The following LINGO2 variants were observed in gnomAD, a reference collection of about 807,000 sequenced individuals.
LINGO2 encodes the protein leucine-rich repeat and immunoglobulin-like domain-containing nogo receptor-interacting protein 2.
In LINGO2, 14 loss-of-function variants were observed where a neutral mutation model predicts 30.6. The observed-to-expected ratio is 0.46, with a 90% CI of 0.30 to 0.72. The LOEUF (loss-of-function observed/expected upper bound fraction) is 0.72, where lower values mean the gene tolerates loss of function less well. Ranked by LOEUF, LINGO2 falls within the 30% of genes least tolerant of loss-of-function variation. The pLI is 0.07. For synonymous variants in LINGO2, 317 were observed against 288.5 expected (o/e 1.10, Z -1.00); for missense variants, 729 against 751.7 (o/e 0.97, Z 0.35).
At chr9:27,976,455 A>C (rs983901770) in intron 5 of LINGO2, among the ~76,000 whole-genome samples, 4 of 152,096 alleles carry the variant, frequency 2.6e-5, no homozygotes, top group Admixed American at 6.6e-5. Context: ...TGGATTAAGC[A>C]AACTGCTTAA....
At chr9:28,552,518 G>A (rs144469959) in intron 1 of LINGO2, among the ~76,000 whole-genome samples, 303 of 151,868 alleles carry the variant, frequency 2.0e-3, no homozygotes, top group Non-Finnish European at 3.0e-3. Flanking sequence ...TGTATCCAGG[G>A]TACTGACTTT....
chr9:28,174,898 C>CTGTGTGTGTGTG lies in LINGO2; in HGVS notation c.-87+120298_-87+120309dup, dbSNP rs66472807. 4.0e-3 allele frequency among the ~76,000 whole-genome samples: 561 copies of CTGTGTGTGTGTG among 141,078 alleles called. 2 individuals are homozygous for CTGTGTGTGTGTG. The highest frequency in any genetic ancestry group is 8.4e-3 in the South Asian group (36 of 4,262). The allele number at this position is 141,078 out of a possible 152,430, so 92.6% of individuals were successfully genotyped here. The stretch of plus-strand genomic sequence containing the variant: ...AGAGAGAGAAAGAGAATTTGTGTCT[C>CTGTGTGTGTGTG]TGTGTGTGTGTGTGTGTGTGTGTGA... On this transcript the variant is annotated intron_variant, in intron 4 of 5. Transcript: ENST00000379992.
chr9:29,060,401 C>A, the LINGO2 span, among the ~76,000 whole-genome samples: 1 of 151,986 alleles, frequency 6.6e-6, no homozygotes, highest in Non-Finnish European at 1.5e-5. Flanking sequence ...AAATTGTGCT[C>A]AAAATTTAAC....
At chr9:28,413,773 A>G (rs1425120684) in intron 2 of LINGO2, among the ~76,000 whole-genome samples, 1 of 152,106 alleles carries the variant, frequency 6.6e-6, no homozygotes, top group Non-Finnish European at 1.5e-5. Flanking sequence ...CATATACTTC[A>G]AACGGAGGCT....
chr9:28,721,867 A>G, the LINGO2 span, among the ~76,000 whole-genome samples: 3 of 152,092 alleles, frequency 2.0e-5, no homozygotes, highest in Non-Finnish European at 2.9e-5. Context: ...TTTTCACCAA[A>G]GTCTAGCTTT....
intron 5 of LINGO2, among the ~76,000 whole-genome samples, chr9:27,970,217 A>G (rs1422308427): frequency 6.6e-6 from 1 of 152,036 alleles, no homozygotes; most frequent in African/African-American, 2.4e-5. Context: ...GCGGTGAAAA[A>G]CAGAGACTGT....
intron 4 of LINGO2, among the ~76,000 whole-genome samples, chr9:28,230,878 T>C (rs571835912): frequency 1.3e-5 from 2 of 152,052 alleles, no homozygotes; most frequent in South Asian, 4.1e-4. Flanking sequence ...GTCACAGTTT[T>C]ACCCAATATA....
chr9:28,139,633 G>A (rs1246489341), intron 4 of LINGO2, among the ~76,000 whole-genome samples: 2 of 151,986 alleles, frequency 1.3e-5, no homozygotes, highest in Non-Finnish European at 2.9e-5. Flanking sequence ...CCTACTGTGA[G>A]ATTTAATTTA....
At chr9:28,549,051 C>G (rs1356881015) in intron 1 of LINGO2, among the ~76,000 whole-genome samples, 1 of 151,938 alleles carries the variant, frequency 6.6e-6, no homozygotes, top group African/African-American at 2.4e-5. Context: ...AACCTGTATA[C>G]AGTTCTTTCA....
chr9:27,975,849 A>C (rs1324089331), intron 5 of LINGO2, among the ~76,000 whole-genome samples: 6 of 152,116 alleles, frequency 3.9e-5, no homozygotes, highest in African/African-American at 1.4e-4. Flanking sequence ...TTCCATTTTA[A>C]AAAGTATATA....
chr9:28,737,554 T>C, the LINGO2 span, among the ~76,000 whole-genome samples: 3 of 152,170 alleles, frequency 2.0e-5, no homozygotes, highest in Non-Finnish European at 4.4e-5. Flanking sequence ...TCTTAAGTCA[T>C]ACAGCTAAAG....
At chr9:29,005,005 C>T in the LINGO2 span, among the ~76,000 whole-genome samples, 8 of 151,838 alleles carry the variant, frequency 5.3e-5, no homozygotes, top group African/African-American at 1.9e-4. Context: ...AAGTATCTGC[C>T]ATGTGGTAAG....
At chr9:28,895,890 C>T in the LINGO2 span, among the ~76,000 whole-genome samples, 1 of 152,084 alleles carries the variant, frequency 6.6e-6, no homozygotes, top group African/African-American at 2.4e-5. Context: ...CGGTCATCTA[C>T]ATGGAAACAT....
At chr9:29,057,638 A>C in the LINGO2 span, among the ~76,000 whole-genome samples, 1 of 152,106 alleles carries the variant, frequency 6.6e-6, no homozygotes, top group Non-Finnish European at 1.5e-5. Flanking sequence ...GTCAAAGAGA[A>C]GGGTGCTGTG....
intron 2 of LINGO2, among the ~76,000 whole-genome samples, chr9:28,400,394 A>G (rs894597189): frequency 2.0e-5 from 3 of 152,178 alleles, no homozygotes; most frequent in Non-Finnish European, 4.4e-5. Context: ...ATGATGTTAT[A>G]TGAATAGCTT....
At chr9:27,977,787 A>G (rs1013531043) in intron 5 of LINGO2, among the ~76,000 whole-genome samples, 8 of 151,232 alleles carry the variant, frequency 5.3e-5, no homozygotes, top group Admixed American at 2.0e-4. Context: ...TTCCCAGGGG[A>G]AAGAAAAAAA....
At chr9:28,811,310 T>C in the LINGO2 span, among the ~76,000 whole-genome samples, 1 of 152,268 alleles carries the variant, frequency 6.6e-6, no homozygotes, top group South Asian at 2.1e-4. Flanking sequence ...CAATTATCTC[T>C]TTGAATTACT....
At chr9:28,693,915 T>C in the LINGO2 span, among the ~76,000 whole-genome samples, 1 of 152,072 alleles carries the variant, frequency 6.6e-6, no homozygotes, top group Non-Finnish European at 1.5e-5. Flanking sequence ...TATATACATA[T>C]GCTATTAGAA....
At chr9:29,059,516 T>A in the LINGO2 span, among the ~76,000 whole-genome samples, 1 of 151,816 alleles carries the variant, frequency 6.6e-6, no homozygotes, top group African/African-American at 2.4e-5. Flanking sequence ...GGTATGATAT[T>A]AGAGCAAAGA....
Sources: gnomAD v4.1 joint callset for allele counts (sites outside exome capture counted in the v4.1 genomes callset) on GRCh38, gnomAD v4.1.1 for gene constraint, MANE v1.5 for transcripts, NCBI Gene and HGNC (gene_info 2026-07-23, HGNC 2026-07-21) for gene names.